Variants in PTPRK observed in about 807,000 individuals in gnomAD.
The protein encoded by PTPRK is receptor-type tyrosine-protein phosphatase kappa.
A neutral mutation model predicts 178.0 loss-of-function variants in PTPRK; 75 were observed. The observed-to-expected ratio is 0.42, with a 90% CI of 0.35 to 0.51. PTPRK has a LOEUF of 0.51. Among genes scored for constraint, PTPRK ranks in the 20% least tolerant of loss-of-function variants. The pLI, the probability that PTPRK is intolerant of heterozygous loss-of-function variation, is 0.02. For synonymous variants in PTPRK, 637 were observed against 620.6 expected, an observed-to-expected ratio of 1.03 and a Z score of -0.39; for missense variants, 1,441 against 1,797.8, an observed-to-expected ratio of 0.80 and a Z score of 3.59.
At chr6:128,444,329 T>C (rs1584750253) in intron 1 of PTPRK, among the ~76,000 whole-genome samples, 1 of 152,190 alleles carries the variant, frequency 6.6e-6, no homozygotes, top group South Asian at 2.1e-4. Flanking sequence ...CCCCAGGTGA[T>C]GTATCTCACC....
At chr6:128,287,016 C>T (rs771534071) in intron 3 of PTPRK, among the ~76,000 whole-genome samples, 1 of 152,118 alleles carries the variant, frequency 6.6e-6, no homozygotes, top group Non-Finnish European at 1.5e-5. Context: ...TAAAGTTTTA[C>T]CTGATATATA....
At chr6:128,279,842 C>T (rs976394151) in intron 3 of PTPRK, among the ~76,000 whole-genome samples, 1 of 152,104 alleles carries the variant, frequency 6.6e-6, no homozygotes, top group African/African-American at 2.4e-5. Context: ...TTAACAACTC[C>T]TCACATTCCA....
chr6:128,256,678 C>T (rs1013334084), intron 3 of PTPRK, among the ~76,000 whole-genome samples: 29 of 151,848 alleles, frequency 1.9e-4, no homozygotes, highest in East Asian at 9.9e-4. Context: ...CCTCGTGATC[C>T]GCCCGCCTCA....
At chr6:128,411,472 T>C (rs557779488) in intron 1 of PTPRK, among the ~76,000 whole-genome samples, 1 of 152,304 alleles carries the variant, frequency 6.6e-6, no homozygotes, top group South Asian at 2.1e-4. Flanking sequence ...CACTCCTAAA[T>C]TGAGAGCAGT....
At chr6:128,309,625 C>G (rs1826941438) in intron 3 of PTPRK, among the ~76,000 whole-genome samples, 1 of 152,032 alleles carries the variant, frequency 6.6e-6, no homozygotes, top group African/African-American at 2.4e-5. Context: ...TCATCAGCCT[C>G]TTTGTTTTAT....
At chr6:128,486,038 A>C (rs922907682) in intron 1 of PTPRK, among the ~76,000 whole-genome samples, 3 of 152,212 alleles carry the variant, frequency 2.0e-5, no homozygotes, top group Non-Finnish European at 2.9e-5. Context: ...GTTCAATTTT[A>C]GTTGAATTCT....
intron 1 of PTPRK, among the ~76,000 whole-genome samples, chr6:128,456,111 G>C (rs906579926): frequency 3.9e-5 from 6 of 151,914 alleles, no homozygotes; most frequent in Non-Finnish European, 8.8e-5. Context: ...TGTTAACCCT[G>C]CAAAATTCAA....
chr6:128,289,195 G>C (rs1022783305), intron 3 of PTPRK, among the ~76,000 whole-genome samples: 3 of 152,118 alleles, frequency 2.0e-5, no homozygotes, highest in Non-Finnish European at 4.4e-5. Context: ...AGCATACCAG[G>C]TGATTCTTAA....
chr6:127,971,487 C>A (rs905729706), intron 29 of PTPRK, among the ~76,000 whole-genome samples: 14 of 152,120 alleles, frequency 9.2e-5, no homozygotes, highest in Admixed American at 2.6e-4. Context: ...ATTCAAGGAA[C>A]CAAAATGTGC....
chr6:127,982,933 A>C lies in PTPRK; in HGVS notation c.3435T>G (p.Cys1145Trp), dbSNP rs1371015617. ...CACAGACAGGTATGGCAGTTTCTCC[A>C]CATAAGCAGGCTTCTAAAATGGCAT... ...IHDAILEACL[C>W]GETAIPVCEF... Residue 1145 changes from cysteine (C) to tryptophan (W), a missense_variant, in exon 24 of 30, where the codon TGT (cysteine) becomes TGG (tryptophan). By Grantham distance (215) the Cys-to-Trp change is radical. Transcript: ENST00000368226. 6.2e-7 allele frequency: 1 copy of C among 1,613,370 alleles called. No homozygotes were observed. Among genetic ancestry groups the C allele is most frequent in the Non-Finnish European group, 8.5e-7 (1 of 1,179,434 alleles).
chr6:128,067,755 G>C lies in PTPRK; in HGVS notation c.1921C>G (p.Arg641Gly), dbSNP rs772515451. ...QIVVEELHPH[R>G]TKREAGAMEC... ...ATGGCTCCGGCTTCTCTCTTGGTTC[G>C]GTGTGGGTGCAGTTCTTCCACAACA... Residue 641 changes from arginine to glycine, a missense_variant, in exon 12 of 30, where the codon CGA becomes GGA. By Grantham distance (125) the Arg-to-Gly change is moderately radical. Transcript: ENST00000368226. 6.2e-7 allele frequency: 1 copy of C among 1,611,304 alleles called. No individual in the cohort carries two copies. The highest frequency in any genetic ancestry group is 8.5e-7 in the Non-Finnish European group (1 of 1,178,462).
chr6:128,418,847 A>G (rs1329038364), intron 1 of PTPRK, among the ~76,000 whole-genome samples: 1 of 152,078 alleles, frequency 6.6e-6, no homozygotes, highest in East Asian at 1.9e-4. Context: ...TGTCTATATC[A>G]TTCTTTTTTT....
At position 128,385,787 on chromosome 6, in the gene PTPRK, C is replaced by T. The variant is rs1202087946; in HGVS notation, c.223+11779G>A. On this transcript the variant is annotated intron_variant, in intron 2 of 29. Transcript: ENST00000368226. ...TCAATAGAAAGTCAAAGATCAGGTACATCTAACTGTTATGTCTTCAAGGAC... is the reference window on the plus strand; with the variant it reads ...TCAATAGAAAGTCAAAGATCAGGTATATCTAACTGTTATGTCTTCAAGGAC... Among the ~76,000 whole-genome samples, 7 of 152,272 alleles carry T rather than the reference C, an allele frequency of 4.6e-5. No homozygotes were observed. The East Asian group carries it at 1.2e-3, about 25-fold the overall frequency.
rs1792492994 is a variant in PTPRK at position 128,121,690 on chromosome 6, T to G, written c.1163-31698A>C. On this transcript the variant is annotated intron_variant, in intron 7 of 29. Transcript: ENST00000368226. Reference sequence around the variant, plus strand: ...GTCAAAACAGCTGCTTCCTTCTCCCTAAATGATTGCCTTTTTGGACTCTGT... The same window carrying G: ...GTCAAAACAGCTGCTTCCTTCTCCCGAAATGATTGCCTTTTTGGACTCTGT... 2.0e-5 allele frequency among the ~76,000 whole-genome samples: 3 copies of G among 152,068 alleles called. No individual in the cohort carries two copies. The South Asian group carries it at 6.2e-4, about 31-fold the overall frequency.
chr6:128,338,888 T>C (rs1831302463), intron 2 of PTPRK, among the ~76,000 whole-genome samples: 1 of 122,280 alleles, frequency 8.2e-6, no homozygotes. Context: ...CAAAAACAAA[T>C]ACTATCTAAA....
intron 1 of PTPRK, among the ~76,000 whole-genome samples, chr6:128,446,052 A>G (rs1388365457): frequency 1.3e-5 from 2 of 152,212 alleles, no homozygotes; most frequent in Non-Finnish European, 2.9e-5. Flanking sequence ...AAAAAGAAAA[A>G]AAAAAAATCT....
chr6:128,431,622 A>T (rs911179370), intron 1 of PTPRK, among the ~76,000 whole-genome samples: 3 of 152,230 alleles, frequency 2.0e-5, no homozygotes, highest in Admixed American at 6.5e-5. Context: ...TGCTCAAGAC[A>T]TGGTCATGTT....
chr6:128,426,378 C>T (rs185669154), intron 1 of PTPRK, among the ~76,000 whole-genome samples: 267 of 152,298 alleles, frequency 1.8e-3, no homozygotes, highest in Non-Finnish European at 2.2e-3. Flanking sequence ...TTATCTAACA[C>T]TTTCTACTTT....
rs1453275791 is a variant in PTPRK at position 127,982,920 on chromosome 6, T to A, written c.3448A>T (p.Ile1150Leu). Residue 1150 changes from isoleucine to leucine, a missense_variant, in exon 24 of 30, where the codon ATA (isoleucine) becomes TTA (leucine). Ile to Leu is a conservative substitution (Grantham distance 5, BLOSUM62 2). Transcript: ENST00000368226. The part of the protein sequence containing the change: ...LEACLCGETA[I>L]PVCEFKAAYF... ...GCAGCTTTAAATTCACAGACAGGTA[T>A]GGCAGTTTCTCCACATAAGCAGGCT... 1 of 1,612,336 alleles carries A rather than the reference T, an allele frequency of 6.2e-7. No homozygotes were observed. The highest frequency in any genetic ancestry group is 8.5e-7 in the Non-Finnish European group (1 of 1,178,584).
Sources: gnomAD v4.1 joint callset for allele counts (sites outside exome capture counted in the v4.1 genomes callset) on GRCh38, gnomAD v4.1.1 for gene constraint, MANE v1.5 for transcripts, NCBI Gene and HGNC (gene_info 2026-07-23, HGNC 2026-07-21) for gene names.